PRELID2: variants seen among roughly 807,000 people sequenced by gnomAD.
PRELID2 encodes PRELI domain-containing protein 2.
PRELID2 carries 25 observed loss-of-function variants against 28.4 expected under a neutral mutation model. The observed-to-expected ratio is 0.88, with a 90% CI of 0.64 to 1.23. The LOEUF (loss-of-function observed/expected upper bound fraction) is 1.23, where lower values mean the gene tolerates loss of function less well. Among genes scored for constraint, PRELID2 ranks in the 50% most tolerant of loss-of-function variants. The pLI is 0.00. For synonymous variants in PRELID2, 76 were observed against 71.6 expected (o/e 1.06, Z -0.31); for missense variants, 201 against 214.4 (o/e 0.94, Z 0.39).
chr5:145,695,826 G>A (rs1755248699), intron 1 of PRELID2, among the ~76,000 whole-genome samples: 1 of 152,088 alleles, frequency 6.6e-6, no homozygotes, highest in Non-Finnish European at 1.5e-5. Flanking sequence ...CGTAGCCTCA[G>A]GAGTAACATA....
intron 1 of PRELID2, among the ~76,000 whole-genome samples, chr5:145,726,816 T>C (rs759164821): frequency 5.3e-5 from 8 of 152,200 alleles, no homozygotes; most frequent in Non-Finnish European, 8.8e-5. Context: ...TTTCACACTT[T>C]GAACTTTCAC....
chr5:145,668,000 G>C (rs1207076077), intron 1 of PRELID2, among the ~76,000 whole-genome samples: 4 of 152,100 alleles, frequency 2.6e-5, no homozygotes, highest in East Asian at 1.9e-4. Flanking sequence ...GCAAGTTTTG[G>C]CTTTGAATCA....
rs6149278 is a variant in PRELID2, at chr5:145,817,421, TTATATATA to T, written c.368+465_368+472del. Among the ~76,000 whole-genome samples the T allele has an allele frequency of 3.8e-3, 391 of 103,598 alleles. 3 individuals carry two copies. The highest frequency in any genetic ancestry group is 0.012 in the African/African-American group (352 of 29,886). 68.0% of individuals were successfully genotyped at this position (103,598 alleles called of 152,430 possible). The stretch of plus-strand genomic sequence containing the variant: ...TATGCAATAAAGGAATAAGCTAGTT[TTATATATA>T]TATATATATATATATATATCACATG... On this transcript the variant is annotated intron_variant, in intron 4 of 6. Coordinates refer to ENST00000683046, the MANE Select transcript of PRELID2 (RefSeq NM_205846.3).
the PRELID2 span, among the ~76,000 whole-genome samples, chr5:145,273,981 C>G: frequency 3.9e-5 from 6 of 152,012 alleles, no homozygotes; most frequent in Non-Finnish European, 7.4e-5. Context: ...GCATAGTGAA[C>G]GAGAGGGACA....
rs555005857 is a variant in PRELID2 at position 145,756,682 on chromosome 5, C to T, written c.*3854G>A. 5.9e-5 allele frequency among the ~76,000 whole-genome samples: 9 copies of T among 152,276 alleles called. No individual in the cohort carries two copies. Among genetic ancestry groups the T allele is most frequent in the African/African-American group, 2.2e-4 (9 of 41,554 alleles). On this transcript the variant is annotated 3_prime_UTR_variant, in exon 7 of 7. Coordinates refer to ENST00000683046, the MANE Select transcript of PRELID2 (RefSeq NM_205846.3). ...GAGAGTTGAGCCACTGAAATAATGT[C>T]ACCAAGTCAATGTAGCAAAGTACAT... is the stretch of plus-strand genomic sequence containing the variant.
chr5:145,632,397 A>C (rs1753945626), intron 1 of PRELID2, among the ~76,000 whole-genome samples: 1 of 152,214 alleles, frequency 6.6e-6, no homozygotes, highest in South Asian at 2.1e-4. Context: ...AGAAGTTGAT[A>C]ATTTTTAAAA....
chr5:145,663,386 G>T (rs1376246717), intron 1 of PRELID2, among the ~76,000 whole-genome samples: 1 of 151,964 alleles, frequency 6.6e-6, no homozygotes, highest in African/African-American at 2.4e-5. Flanking sequence ...GCCATCTCTG[G>T]TCACAATTGA....
chr5:145,309,449 T>A, the PRELID2 span, among the ~76,000 whole-genome samples: 5 of 152,184 alleles, frequency 3.3e-5, no homozygotes, highest in African/African-American at 1.2e-4. Flanking sequence ...GATTGCAGAA[T>A]AGCTAAGCTA....
intron 1 of PRELID2, among the ~76,000 whole-genome samples, chr5:145,502,769 G>T (rs1752370896): frequency 6.6e-6 from 1 of 151,742 alleles, no homozygotes; most frequent in South Asian, 2.1e-4. Flanking sequence ...CAGGCCTCCA[G>T]TAGCCATGGC....
In PRELID2 at chr5:145,825,225, C is replaced by CAAAAAAAAA. The variant is rs56818178; in HGVS notation, c.76-2100_76-2092dup. Among the ~76,000 whole-genome samples the CAAAAAAAAA allele has an allele frequency of 1.7e-4, 10 of 60,428 alleles. 1 individual carries two copies. The highest frequency in any genetic ancestry group is 2.2e-4 in the Non-Finnish European group (7 of 31,970). 39.6% of individuals were successfully genotyped at this position (60,428 alleles called of 152,430 possible). On this transcript the variant is annotated intron_variant, in intron 1 of 6. Transcript: ENST00000683046. ...TCGGTGATAGAGTGAGACTCTGTCT[C>CAAAAAAAAA]AAAAAAAAAAAAAAAAAAAAAAAAA...
intron 1 of PRELID2, among the ~76,000 whole-genome samples, chr5:145,496,418 A>G (rs774462896): frequency 2.0e-5 from 3 of 152,226 alleles, no homozygotes; most frequent in Non-Finnish European, 2.9e-5. Flanking sequence ...ATTAGGAGGT[A>G]AGTATATACA....
intron 1 of PRELID2, among the ~76,000 whole-genome samples, chr5:145,613,223 A>G (rs1258503552): frequency 6.6e-6 from 1 of 151,694 alleles, no homozygotes; most frequent in Non-Finnish European, 1.5e-5. Context: ...CATTTCCCTG[A>G]TCATTATTTG....
chr5:145,605,224 G>A (rs1753486904), intron 1 of PRELID2, among the ~76,000 whole-genome samples: 1 of 151,912 alleles, frequency 6.6e-6, no homozygotes, highest in Non-Finnish European at 1.5e-5. Context: ...TGCTTTTGAT[G>A]TCTTCCTCAT....
intron 1 of PRELID2, among the ~76,000 whole-genome samples, chr5:145,584,698 A>C (rs1386532459): frequency 6.6e-6 from 1 of 152,170 alleles, no homozygotes; most frequent in Non-Finnish European, 1.5e-5. Flanking sequence ...AACATCACTG[A>C]TCATTAGAGA....
the PRELID2 span, among the ~76,000 whole-genome samples, chr5:145,411,792 G>T: frequency 6.6e-6 from 1 of 152,176 alleles, no homozygotes; most frequent in Non-Finnish European, 1.5e-5. Flanking sequence ...TCAAACTTTG[G>T]CCTGGACATC....
chr5:145,661,053 A>G (rs559667081), intron 1 of PRELID2, among the ~76,000 whole-genome samples: 3 of 152,282 alleles, frequency 2.0e-5, no homozygotes, highest in South Asian at 2.1e-4. Flanking sequence ...ATTGCCTTAC[A>G]TTGGGGCATA....
intron 1 of PRELID2, among the ~76,000 whole-genome samples, chr5:145,509,255 G>A (rs756033201): frequency 2.0e-5 from 3 of 152,128 alleles, no homozygotes; most frequent in African/African-American, 7.2e-5. Context: ...ACACTTTCTC[G>A]TCGAAAGCTG....
At chr5:145,396,906 G>A in the PRELID2 span, among the ~76,000 whole-genome samples, 1,295 of 152,170 alleles carry the variant, frequency 8.5e-3, 19 homozygotes, top group African/African-American at 0.028. Flanking sequence ...ACATGGTCCA[G>A]CTAAAGGTCA....
chr5:145,385,135 C>T, the PRELID2 span, among the ~76,000 whole-genome samples: 1 of 152,128 alleles, frequency 6.6e-6, no homozygotes, highest in African/African-American at 2.4e-5. Context: ...AAATTATACA[C>T]TTATAGTCTG....
Sources: gnomAD v4.1 joint callset for allele counts (sites outside exome capture counted in the v4.1 genomes callset) on GRCh38, gnomAD v4.1.1 for gene constraint, MANE v1.5 for transcripts, NCBI Gene and HGNC (gene_info 2026-07-23, HGNC 2026-07-21) for gene names.